L3MBTL4: variants seen among roughly 807,000 people sequenced by gnomAD.
L3MBTL4 encodes the protein lethal(3)malignant brain tumor-like protein 4.
A neutral mutation model predicts 84.5 loss-of-function variants in L3MBTL4; 70 were observed. That is an observed-to-expected ratio of 0.83 (90% confidence interval 0.68 to 1.01). The LOEUF (loss-of-function observed/expected upper bound fraction) is 1.01. Ranked by LOEUF, L3MBTL4 falls within the 50% of genes least tolerant of loss-of-function variation. The pLI is 0.00. For missense variants in L3MBTL4, 715 were observed against 754.8 expected (o/e 0.95, Z 0.62); for synonymous variants, 274 against 259.8 (o/e 1.05, Z -0.52).
At chr18:6,310,380 C>T (rs999246488) in intron 3 of L3MBTL4, among the ~76,000 whole-genome samples, 2 of 152,206 alleles carry the variant, frequency 1.3e-5, no homozygotes, top group Admixed American at 6.5e-5. Context: ...CAATGTTAAT[C>T]ACCCCATTGC....
chr18:6,093,204 G>T, intron 15 of L3MBTL4, 151 bp downstream of exon 15: 1 of 582,316 alleles, frequency 1.7e-6, no homozygotes, highest in Non-Finnish European at 2.8e-6. Context: ...AGGCTTAGAT[G>T]AATTTTATCA....
chr18:6,041,029 T>C (rs539210307), intron 16 of L3MBTL4, among the ~76,000 whole-genome samples: 1 of 152,334 alleles, frequency 6.6e-6, no homozygotes, highest in African/African-American at 2.4e-5. Flanking sequence ...GAAATAGCAG[T>C]GGCTGACACT....
intron 13 of L3MBTL4, among the ~76,000 whole-genome samples, chr18:6,153,081 G>A (rs1020856081): frequency 6.6e-6 from 1 of 151,996 alleles, no homozygotes; most frequent in African/African-American, 2.4e-5. Context: ...CTGTTTCATT[G>A]GTCTATGTGT....
intron 11 of L3MBTL4, among the ~76,000 whole-genome samples, chr18:6,214,138 C>T (rs1043145847): frequency 1.3e-5 from 2 of 152,196 alleles, no homozygotes; most frequent in Non-Finnish European, 2.9e-5. Flanking sequence ...ATAGCCTATG[C>T]TTTTGTCATT....
chr18:6,255,852 T>C (rs1413353366), intron 5 of L3MBTL4, among the ~76,000 whole-genome samples: 3 of 151,242 alleles, frequency 2.0e-5, no homozygotes, highest in Non-Finnish European at 4.4e-5. Flanking sequence ...AGACTCAGGC[T>C]ATAATTTGGT....
chr18:6,375,876 GGCAAAA>G (rs1447770529), intron 1 of L3MBTL4, among the ~76,000 whole-genome samples: 1 of 152,122 alleles, frequency 6.6e-6, no homozygotes, highest in Non-Finnish European at 1.5e-5. Flanking sequence ...ACAAGAAATA[GGCAAAA>G]GCACAAACTC....
rs193279259 is a variant in L3MBTL4, at chr18:6,164,082, G to A, written c.1096+7746C>T. 5.6e-4 allele frequency among the ~76,000 whole-genome samples: 85 copies of A among 152,320 alleles called. 1 individual carries two copies. In the East Asian group the frequency reaches 0.015, roughly 26 times the overall value. On this transcript the variant is annotated intron_variant, in intron 13 of 18. Coordinates refer to ENST00000317931, the MANE Select transcript of L3MBTL4 (RefSeq NM_001330559.2). ...CTATGCCCACGGAGCCTCGCTCATT[G>A]CTAGCACAGCAGTCTGAGATCAAAC...
At chr18:6,295,342 C>CTATATATATA (rs370638631) in intron 4 of L3MBTL4, among the ~76,000 whole-genome samples, 27 of 117,094 alleles carry the variant, frequency 2.3e-4, no homozygotes, top group Admixed American at 1.8e-3. Context: ...CTCTCTCTCT[C>CTATATATATA]TCTCTATATA....
At chr18:6,183,551 T>C (rs1599046484) in intron 12 of L3MBTL4, among the ~76,000 whole-genome samples, 1 of 152,182 alleles carries the variant, frequency 6.6e-6, no homozygotes, top group African/African-American at 2.4e-5. Flanking sequence ...AATTTCCACC[T>C]TGGATCCTAT....
At chr18:6,304,305 T>C (rs1467343284) in intron 3 of L3MBTL4, among the ~76,000 whole-genome samples, 1 of 152,234 alleles carries the variant, frequency 6.6e-6, no homozygotes, top group South Asian at 2.1e-4. Context: ...TCGACAAATA[T>C]TTGATGCATG....
Position 6,120,231 on chromosome 18 carries a change from C to A in L3MBTL4, c.1199+17963G>T, listed in dbSNP as rs143080836. ...GGTCAGTCTCGGAACCGACCACGTG[C>A]CTCCTAAGGTGGTCTACAAGCCCAG... On this transcript the variant is annotated intron_variant, in intron 14 of 18. Transcript: ENST00000317931. Among the ~76,000 whole-genome samples, 3 of 152,214 alleles carry A rather than the reference C, an allele frequency of 2.0e-5. No homozygotes were observed. The East Asian group carries it at 5.8e-4, about 29-fold the overall frequency.
intron 16 of L3MBTL4, among the ~76,000 whole-genome samples, chr18:6,040,498 C>T (rs2056352338): frequency 4.6e-5 from 7 of 152,198 alleles, no homozygotes; most frequent in Admixed American, 3.9e-4. Flanking sequence ...TTACTAATTA[C>T]AGTCTACTCC....
chr18:6,089,868 CG>C (rs2058384140), intron 15 of L3MBTL4, among the ~76,000 whole-genome samples: 1 of 152,092 alleles, frequency 6.6e-6, no homozygotes, highest in Admixed American at 6.5e-5. Context: ...TTTAATCAGA[CG>C]ACCTATGTTT....
chr18:6,314,081 GATAGT>G (rs1363525551), intron 1 of L3MBTL4, among the ~76,000 whole-genome samples: 1 of 136,966 alleles, frequency 7.3e-6, no homozygotes, highest in East Asian at 2.2e-4. Flanking sequence ...TAGATAGATA[GATAGT>G]CTAACACACA....
chr18:6,190,983 G>A (rs554894561), intron 12 of L3MBTL4, among the ~76,000 whole-genome samples: 119 of 152,268 alleles, frequency 7.8e-4, no homozygotes, highest in African/African-American at 2.8e-3. Flanking sequence ...GGGAAAAGGC[G>A]GTAAGAGTTA....
At chr18:6,241,882 T>C (rs950180439) in intron 7 of L3MBTL4, among the ~76,000 whole-genome samples, 2 of 152,068 alleles carry the variant, frequency 1.3e-5, no homozygotes, top group African/African-American at 4.8e-5. Flanking sequence ...GGAAGAGACT[T>C]TACAGAGACC....
chr18:6,408,741 G>A (rs2055840982), intron 1 of L3MBTL4, among the ~76,000 whole-genome samples: 1 of 149,396 alleles, frequency 6.7e-6, no homozygotes, highest in Non-Finnish European at 1.5e-5. Context: ...GAGTGCAGTT[G>A]TGCAATCTCG....
At chr18:6,163,538 A>C (rs1009976755) in intron 13 of L3MBTL4, among the ~76,000 whole-genome samples, 1 of 152,134 alleles carries the variant, frequency 6.6e-6, no homozygotes, top group Non-Finnish European at 1.5e-5. Context: ...AACAGCAAAA[A>C]CTGAAAATCA....
intron 16 of L3MBTL4, among the ~76,000 whole-genome samples, chr18:5,984,574 G>T (rs183453051): frequency 1.1e-4 from 16 of 152,040 alleles, no homozygotes; most frequent in Admixed American, 5.2e-4. Flanking sequence ...ATATTTTTTT[G>T]GGGGGGAAGC....
Sources: allele counts gnomAD v4.1 joint callset (sites outside exome capture counted in the v4.1 genomes callset), GRCh38; gene constraint gnomAD v4.1.1; transcripts MANE v1.5; gene names NCBI Gene and HGNC (gene_info 2026-07-23, HGNC 2026-07-21).